The following ZZZ3 variants were observed in gnomAD, a reference collection of about 807,000 sequenced individuals.
ZZZ3 encodes ZZ-type zinc finger-containing protein 3.
A neutral mutation model predicts 95.2 loss-of-function variants in ZZZ3; 22 were observed. The ratio of observed to expected loss-of-function variants is 0.23; its 90% CI spans 0.17 to 0.33. ZZZ3 has a LOEUF of 0.33. Ranked by LOEUF, ZZZ3 falls within the 10% of genes least tolerant of loss-of-function variation. The pLI is 1.00. For missense variants in ZZZ3, 885 were observed against 1,066.5 expected (o/e 0.83, Z 2.37); for synonymous variants, 335 against 358.9 (o/e 0.93, Z 0.75).
chr1:77,672,410 T>G (rs562470143), intron 1 of ZZZ3, among the ~76,000 whole-genome samples: 1 of 152,334 alleles, frequency 6.6e-6, no homozygotes, highest in East Asian at 1.9e-4. Context: ...CCCAGAACCA[T>G]ATACTGTATT....
intron 5 of ZZZ3, among the ~76,000 whole-genome samples, chr1:77,630,499 C>A (rs894225163): frequency 4.0e-5 from 6 of 151,858 alleles, no homozygotes; most frequent in African/African-American, 1.2e-4. Flanking sequence ...CAAAAACAAA[C>A]AAACAAACAA....
intron 5 of ZZZ3, among the ~76,000 whole-genome samples, chr1:77,626,411 T>C (rs1667340809): frequency 6.6e-6 from 1 of 152,184 alleles, no homozygotes; most frequent in South Asian, 2.1e-4. Context: ...GCCCTAAGCT[T>C]GTTTTCCTGC....
chr1:77,565,727 T>A lies in ZZZ3; in HGVS notation c.2625A>T (p.Ser875=), dbSNP rs750092524. The change falls in exon 15 of 15, where the codon TCA becomes TCT. Residue 875 remains serine (S), a synonymous_variant. Coordinates refer to ENST00000370801, the MANE Select transcript of ZZZ3 (RefSeq NM_015534.6). ...EDHQLEPIYR[S]ETFLDRDYCV... is the part of the protein sequence containing the mutation. ...AGTAGTCTCTGTCTAAGAATGTCTC[T>A]GACCTATAAATAGGTTCTAATTGGT... is the stretch of plus-strand genomic sequence containing the variant. 6.2e-7 allele frequency: 1 copy of A among 1,613,548 alleles called. No homozygotes were observed. Among genetic ancestry groups the A allele is most frequent in the South Asian group, 1.1e-5 (1 of 91,068 alleles).
In ZZZ3 at chr1:77,565,679, G is replaced by A. The variant is rs771148053; in HGVS notation, c.2673C>T (p.Tyr891=). The change falls in exon 15 of 15, where the codon TAC becomes TAT. Residue 891 remains tyrosine, a synonymous_variant. Transcript: ENST00000370801. The stretch of plus-strand genomic sequence containing the variant: ...GAAAGTAGTTTGGGTCAAGGTAATT[G>A]TAACTGGTGCCCTGAGACACACAGT... ...RDYCVSQGTS[Y]NYLDPNYFPA... The A allele has an allele frequency of 1.4e-5, 23 of 1,613,866 alleles. No individual in the cohort carries two copies. The highest frequency in any genetic ancestry group is 1.2e-4 in the African/African-American group (9 of 74,924).
chr1:77,575,375 G>C (rs1661824828), intron 12 of ZZZ3, among the ~76,000 whole-genome samples: 1 of 152,168 alleles, frequency 6.6e-6, no homozygotes, highest in Non-Finnish European at 1.5e-5. Context: ...TTTAGTCAAT[G>C]ATCAGTGGCT....
In ZZZ3 at chr1:77,584,404, G is replaced by A. The variant is rs12089944; in HGVS notation, c.1644+113C>T. ...TTAAGTAGTACGGCTAATTATAGACGAAAAAAATTAAACATTTTAAAAAGT... is the reference window on the plus strand; with the variant it reads ...TTAAGTAGTACGGCTAATTATAGACAAAAAAAATTAAACATTTTAAAAAGT... On this transcript the variant is annotated intron_variant, in intron 6 of 14. Transcript: ENST00000370801. The A allele has an allele frequency of 1.8e-5, 20 of 1,100,204 alleles. No homozygotes were observed. The East Asian group carries it at 2.2e-4, about 12-fold the overall frequency. 68.2% of individuals were successfully genotyped at this position (1,100,204 alleles called of 1,614,324 possible). A position where few individuals can be genotyped will look rare whatever the true frequency, so the allele number is the denominator to read the frequency against.
At chr1:77,667,878 G>A (rs1160454873) in intron 1 of ZZZ3, among the ~76,000 whole-genome samples, 1 of 149,396 alleles carries the variant, frequency 6.7e-6, no homozygotes, top group Non-Finnish European at 1.5e-5. Flanking sequence ...TGATTCTCCT[G>A]CCTCAGCCTC....
chr1:77,645,703 G>A (rs1669197724), intron 1 of ZZZ3: 1 of 152,112 alleles, frequency 6.6e-6, no homozygotes. Context: ...GAGGCGCAGT[G>A]GCTCACGCCT....
intron 1 of ZZZ3, among the ~76,000 whole-genome samples, chr1:77,642,273 A>C (rs1668849698): frequency 6.6e-6 from 1 of 152,230 alleles, no homozygotes; most frequent in South Asian, 2.1e-4. Flanking sequence ...GATGACCAAA[A>C]GCACCGTACA....
chr1:77,611,452 T>A (rs539129734), intron 5 of ZZZ3, among the ~76,000 whole-genome samples: 1 of 152,002 alleles, frequency 6.6e-6, no homozygotes, highest in African/African-American at 2.4e-5. Flanking sequence ...AAAATTCCAA[T>A]GTCATTTTTC....
intron 12 of ZZZ3, among the ~76,000 whole-genome samples, chr1:77,570,445 T>C (rs1216298680): frequency 3.9e-5 from 6 of 152,146 alleles, no homozygotes; most frequent in African/African-American, 1.4e-4. Flanking sequence ...ACAAATCCTG[T>C]CATTTCTTAA....
rs2100426350 is a variant in ZZZ3, at chr1:77,562,451, A to G, written c.*3189T>C. The G allele has an allele frequency of 6.6e-6, 1 of 152,328 alleles. No individual in the cohort carries two copies. Among genetic ancestry groups the G allele is most frequent in the African/African-American group, 2.4e-5 (1 of 41,586 alleles). 9.4% of individuals were successfully genotyped at this position (152,328 alleles called of 1,614,324 possible). On this transcript the variant is annotated 3_prime_UTR_variant, in exon 15 of 15. Coordinates refer to ENST00000370801, the MANE Select transcript of ZZZ3 (RefSeq NM_015534.6). ...GAAATAGTTTTATATAGCACACAAC[A>G]CATATTTATGATTGAAAAAGACATT...
At position 77,582,139 on chromosome 1, in the gene ZZZ3, G is replaced by A. The variant is rs1308010440; in HGVS notation, c.1645-13C>T. ...GCCCAATATCAGCCTGGAGGCAGGG[G>A]AGAAAAAACAAAATAAAGTAAAAGT... On this transcript the variant is annotated splice_polypyrimidine_tract_variant and intron_variant, in intron 6 of 14. Transcript: ENST00000370801. The A allele has an allele frequency of 6.4e-7, 1 of 1,569,976 alleles. No homozygotes were observed. The highest frequency in any genetic ancestry group is 8.6e-7 in the Non-Finnish European group (1 of 1,165,876).
chr1:77,581,373 T>C (rs1220751880), intron 8 of ZZZ3, among the ~76,000 whole-genome samples: 1 of 152,170 alleles, frequency 6.6e-6, no homozygotes. Flanking sequence ...CTGAGGTTCA[T>C]CTAACTAAGA....
At chr1:77,676,835 TTAAA>T (rs1189556325) in intron 1 of ZZZ3, 1 of 152,104 alleles carries the variant, frequency 6.6e-6, no homozygotes, top group Non-Finnish European at 1.5e-5. Flanking sequence ...AATTAAAAAA[TTAAA>T]TAAAGCATTA....
chr1:77,664,858 T>C (rs749735222), intron 1 of ZZZ3, among the ~76,000 whole-genome samples: 25 of 152,242 alleles, frequency 1.6e-4, no homozygotes, highest in Admixed American at 5.2e-4. Flanking sequence ...TTAATGCTGA[T>C]GAGCTAAGCC....
intron 1 of ZZZ3, among the ~76,000 whole-genome samples, chr1:77,666,848 T>C (rs765169223): frequency 1.3e-5 from 2 of 152,312 alleles, no homozygotes; most frequent in Non-Finnish European, 2.9e-5. Flanking sequence ...AGAGCACCAT[T>C]CACATTGAAG....
chr1:77,595,822 T>C (rs1254384069), intron 5 of ZZZ3, among the ~76,000 whole-genome samples: 1 of 152,048 alleles, frequency 6.6e-6, no homozygotes, highest in Admixed American at 6.6e-5. Flanking sequence ...CTGAGCATCC[T>C]ATTTAGCACC....
upstream of ZZZ3, chr1:77,683,293 T>C (rs1300533795): frequency 1.4e-5 from 2 of 144,556 alleles, no homozygotes; most frequent in East Asian, 2.1e-4. Context: ...AACGGGCCAC[T>C]TGGGGAGGCG....
Sources: allele counts gnomAD v4.1 joint callset (sites outside exome capture counted in the v4.1 genomes callset), GRCh38; gene constraint gnomAD v4.1.1; transcripts MANE v1.5; gene names NCBI Gene and HGNC (gene_info 2026-07-23, HGNC 2026-07-21).